The following ATAD1 variants were observed in gnomAD, a reference collection of about 807,000 sequenced individuals.
ATAD1 encodes the protein outer mitochondrial transmembrane helix translocase.
In ATAD1, 18 loss-of-function variants were observed where a neutral mutation model predicts 42.7. The ratio of observed to expected loss-of-function variants is 0.42; its 90% CI spans 0.29 to 0.63. The LOEUF (loss-of-function observed/expected upper bound fraction) is 0.63, where lower values mean the gene tolerates loss of function less well. ATAD1 is among the 20% of genes least tolerant of loss of function. The pLI is 0.19. For missense variants in ATAD1, 294 were observed against 440.4 expected (o/e 0.67, Z 2.98); for synonymous variants, 132 against 143.1 (o/e 0.92, Z 0.55).
intron 6 of ATAD1, 71 bp from the exon 7 acceptor site, chr10:87,771,112 G>T (rs922348297): frequency 5.3e-5 from 62 of 1,176,036 alleles, no homozygotes; most frequent in Non-Finnish European, 7.3e-5. Context: ...TATTACTAGG[G>T]CTTAGTTTTA....
At chr10:87,785,912 A>T (rs1263213696) in intron 4 of ATAD1, among the ~76,000 whole-genome samples, 1 of 152,156 alleles carries the variant, frequency 6.6e-6, no homozygotes, top group Non-Finnish European at 1.5e-5. Flanking sequence ...TATGAAACTA[A>T]ACTTTTCTAA....
rs567973402 is a variant in ATAD1, at chr10:87,798,625, G to GTGTGTGTGTGTGTGTGTGTGTGTGT, written c.163-5871_163-5870insACACACACACACACACACACACACA. ...AAGTTCCAAAGTAAAAGCTATAGGG[G>GTGTGTGTGTGTGTGTGTGTGTGTGT]GTGTGTGTGTGTGTGTGTGTGTGTG... On this transcript the variant is annotated intron_variant, in intron 2 of 9. Coordinates refer to ENST00000680024, the MANE Select transcript of ATAD1 (RefSeq NM_001321967.2). 3.0e-3 allele frequency among the ~76,000 whole-genome samples: 371 copies of GTGTGTGTGTGTGTGTGTGTGTGTGT among 124,922 alleles called. 8 individuals carry two copies. The highest frequency in any genetic ancestry group is 7.5e-3 in the African/African-American group (245 of 32,840). 82.0% of individuals were successfully genotyped at this position (124,922 alleles called of 152,430 possible). A position where few individuals can be genotyped will look rare whatever the true frequency, so the allele number is the denominator to read the frequency against.
At chr10:87,837,760 G>C (rs960894248) in intron 1 of ATAD1, among the ~76,000 whole-genome samples, 2 of 152,040 alleles carry the variant, frequency 1.3e-5, no homozygotes, top group African/African-American at 4.8e-5. Flanking sequence ...AAAATCAACT[G>C]GTGTTTATCC....
At chr10:87,830,968 A>G (rs1474115481) in intron 1 of ATAD1, among the ~76,000 whole-genome samples, 3 of 152,212 alleles carry the variant, frequency 2.0e-5, no homozygotes, top group Non-Finnish European at 4.4e-5. Flanking sequence ...CTTTGACCAA[A>G]GGCAGTTTGG....
Position 87,815,719 on chromosome 10 carries a change from C to A in ATAD1, c.-13-1107G>T, listed in dbSNP as rs1331277414. 2.6e-5 allele frequency among the ~76,000 whole-genome samples: 4 copies of A among 151,948 alleles called. No homozygotes were observed. In the South Asian group the frequency reaches 6.2e-4, roughly 24 times the overall value. ...CAAAAATTTTTTATTTCCTTTTATA[C>A]CCCTCACCTCCACTCAAGGATATAT... is the stretch of plus-strand genomic sequence containing the variant. On this transcript the variant is annotated intron_variant, in intron 1 of 9. Coordinates refer to ENST00000680024, the MANE Select transcript of ATAD1 (RefSeq NM_001321967.2).
chr10:87,771,754 T>TA (rs879464574), intron 6 of ATAD1, among the ~76,000 whole-genome samples: 117 of 139,608 alleles, frequency 8.4e-4, no homozygotes, highest in East Asian at 2.6e-3. Context: ...ATGTAGAGAT[T>TA]AAAAAAAAAA....
chr10:87,788,702 T>C (rs1456808208), intron 4 of ATAD1, among the ~76,000 whole-genome samples: 6 of 152,216 alleles, frequency 3.9e-5, no homozygotes, highest in Admixed American at 3.9e-4. Flanking sequence ...CAACAGCATA[T>C]AAAAGGTATT....
rs117808019 is a variant in ATAD1 at position 87,799,497 on chromosome 10, G to C, written c.163-6742C>G. 2.1e-3 allele frequency among the ~76,000 whole-genome samples: 320 copies of C among 152,252 alleles called. 11 individuals are homozygous for C. In the East Asian group the frequency reaches 0.056, roughly 27 times the overall value. The stretch of plus-strand genomic sequence containing the variant: ...CTAAACTATAAACCAAGTTCCTCCC[G>C]AAGTTAGTTCAGCCTATGCCCAGGA... On this transcript the variant is annotated intron_variant, in intron 2 of 9. Transcript: ENST00000680024.
chr10:87,780,964 C>G (rs992470678), intron 5 of ATAD1, among the ~76,000 whole-genome samples: 9 of 152,168 alleles, frequency 5.9e-5, no homozygotes, highest in African/African-American at 2.2e-4. Flanking sequence ...CATGGGGAGT[C>G]TCTTTCAGGT....
intron 5 of ATAD1, among the ~76,000 whole-genome samples, chr10:87,778,797 T>C (rs949105468): frequency 1.3e-5 from 2 of 152,018 alleles, no homozygotes; most frequent in Non-Finnish European, 2.9e-5. Context: ...ATCTGACAAA[T>C]GGTGCTGGAG....
intron 1 of ATAD1, among the ~76,000 whole-genome samples, chr10:87,837,785 C>T (rs541350697): frequency 6.6e-6 from 1 of 152,252 alleles, no homozygotes; most frequent in African/African-American, 2.4e-5. Flanking sequence ...CTCCTGAGGC[C>T]CCAACTTCTC....
chr10:87,811,349 A>G (rs904745039), intron 2 of ATAD1, among the ~76,000 whole-genome samples: 1 of 152,078 alleles, frequency 6.6e-6, no homozygotes, highest in Non-Finnish European at 1.5e-5. Context: ...AAATAAATAA[A>G]TAAATAAATA....
At position 87,833,801 on chromosome 10, in the gene ATAD1, C is replaced by A. The variant is rs1857881209; in HGVS notation, c.-14+7386G>T. Among the ~76,000 whole-genome samples, 4 of 143,468 alleles carry A rather than the reference C, an allele frequency of 2.8e-5. No individual in the cohort carries two copies. The South Asian group carries it at 8.8e-4, about 32-fold the overall frequency. 94.1% of individuals were successfully genotyped at this position (143,468 alleles called of 152,430 possible). On this transcript the variant is annotated intron_variant, in intron 1 of 4. Coordinates refer to the ATAD1 transcript ENST00000495903. The stretch of plus-strand genomic sequence containing the variant: ...GGAGTGCAGTGGCATGATCTCAGCT[C>A]ACTGCCACCTCCGCCTCCTAGGTTC...
At chr10:87,812,971 T>A (rs1415722790) in intron 2 of ATAD1, among the ~76,000 whole-genome samples, 1 of 152,222 alleles carries the variant, frequency 6.6e-6, no homozygotes, top group Non-Finnish European at 1.5e-5. Flanking sequence ...TGGGATATGC[T>A]ACTTACTATT....
intron 7 of ATAD1, among the ~76,000 whole-genome samples, chr10:87,768,518 T>C (rs1267961233): frequency 6.6e-6 from 1 of 152,184 alleles, no homozygotes; most frequent in Non-Finnish European, 1.5e-5. Flanking sequence ...CTGTTAAACA[T>C]TTCACTTGGA....
At chr10:87,759,860 T>C in intron 8 of ATAD1, 1 of 404,838 alleles carries the variant, frequency 2.5e-6, no homozygotes, top group East Asian at 7.7e-5. Context: ...CTCACCAAAA[T>C]GCTTGGCACA....
In ATAD1 at chr10:87,792,891, T is replaced by C. The variant is rs532635297; in HGVS notation, c.163-136A>G. 4.8e-5 allele frequency: 32 copies of C among 667,184 alleles called. No individual in the cohort carries two copies. The African/African-American group carries it at 4.9e-4, about 10-fold the overall frequency. The allele number at this position is 667,184 out of a possible 1,614,324, so 41.3% of individuals were successfully genotyped here. A position where few individuals can be genotyped will look rare whatever the true frequency, so the allele number is the denominator to read the frequency against. On this transcript the variant is annotated intron_variant, in intron 2 of 9. Transcript: ENST00000680024. The stretch of plus-strand genomic sequence containing the variant: ...ATTTCCAAGGATATTCTAGGCCCCT[T>C]GATCTTAGCCTTCTCCATTGTGAGC...
chr10:87,831,566 T>C (rs963143747), intron 1 of ATAD1, among the ~76,000 whole-genome samples: 5 of 152,216 alleles, frequency 3.3e-5, no homozygotes, highest in African/African-American at 1.2e-4. Flanking sequence ...AATTTGTTGT[T>C]CATAAAGCCT....
At chr10:87,787,350 T>A (rs1855887772) in intron 4 of ATAD1, among the ~76,000 whole-genome samples, 2 of 152,206 alleles carry the variant, frequency 1.3e-5, no homozygotes, top group African/African-American at 4.8e-5. Flanking sequence ...ATGGGCACAG[T>A]GGTTCACACC....
Sources: gnomAD v4.1 joint callset for allele counts (sites outside exome capture counted in the v4.1 genomes callset) on GRCh38, gnomAD v4.1.1 for gene constraint, MANE v1.5 for transcripts, NCBI Gene and HGNC (gene_info 2026-07-23, HGNC 2026-07-21) for gene names.